The following OTC variants were observed in gnomAD, a reference collection of about 807,000 sequenced individuals.
The protein encoded by OTC is ornithine transcarbamylase, mitochondrial.
OTC carries 3 observed loss-of-function variants against 30.3 expected under a neutral mutation model. The ratio of observed to expected loss-of-function variants is 0.10; its 90% CI spans 0.05 to 0.26. The LOEUF is 0.26. OTC is among the 10% of genes least tolerant of loss of function. The pLI is 1.00. For missense variants in OTC, 194 were observed against 260.3 expected (o/e 0.75, Z 1.75); for synonymous variants, 111 against 99.7 (o/e 1.11, Z -0.67).
intron 9 of OTC, 111 bp downstream of exon 9, chrX:38,412,110 C>A: frequency 1.3e-6 from 1 of 741,060 alleles, no homozygotes; most frequent in Non-Finnish European, 2.0e-6. Flanking sequence ...ACATTACTTG[C>A]TCATGTAACA....
rs113463654 is a variant in OTC at position 38,401,538 on chromosome X, C to T, written c.540+110C>T. On this transcript the variant is annotated intron_variant, in intron 5 of 9. Transcript: ENST00000039007. ...GTATTGGTGTTTTATTTTCAAATAC[C>T]AGCTTGACAAAGAATTACAGCTTGT... The T allele has an allele frequency of 2.3e-5, 14 of 618,834 alleles. 1 individual carries two copies. The highest frequency in any genetic ancestry group is 1.8e-4 in the African/African-American group (8 of 45,379). 51.0% of individuals were successfully genotyped at this position (618,834 alleles called of 1,213,427 possible).
At chrX:38,344,218 C>T in the OTC span, among the ~76,000 whole-genome samples, 1 of 92,525 alleles carries the variant, frequency 1.1e-5, no homozygotes, top group Non-Finnish European at 2.1e-5. Context: ...AAATCAGGAG[C>T]TCTTTTGGTG....
chrX:38,383,600 C>A (rs1003810656), intron 4 of OTC, among the ~76,000 whole-genome samples: 2 of 110,707 alleles, frequency 1.8e-5, no homozygotes, highest in African/African-American at 6.6e-5. Context: ...GAGTTTGAGA[C>A]CAGCCTGACC....
the OTC span, among the ~76,000 whole-genome samples, chrX:38,332,254 A>G: frequency 1.2e-4 from 13 of 109,397 alleles, no homozygotes; most frequent in Non-Finnish European, 1.7e-4. Context: ...ATATTTGTAT[A>G]TAACATAATG....
chrX:38,328,926 T>C, the OTC span, among the ~76,000 whole-genome samples: 1 of 112,026 alleles, frequency 8.9e-6, no homozygotes, highest in African/African-American at 3.2e-5. Flanking sequence ...TTCTGACTAT[T>C]GACTCCTAGA....
chrX:38,352,872 C>T (rs778537536), intron 1 of OTC, 99 bp downstream of exon 1: 26 of 612,674 alleles, frequency 4.2e-5, no homozygotes, highest in African/African-American at 8.8e-5. Flanking sequence ...TGTAGTGCCA[C>T]GCTCTGCTTT....
chrX:38,420,960 A>C (rs933036409), intron 9 of OTC, 63 bp from the exon 10 acceptor site: 13 of 825,494 alleles, frequency 1.6e-5, no homozygotes, highest in Non-Finnish European at 2.4e-5. Flanking sequence ...CACCTTCTCT[A>C]GGTCCCTAAG....
intron 5 of OTC, 108 bp from the exon 6 acceptor site, chrX:38,403,509 TA>T: frequency 1.2e-6 from 1 of 866,981 alleles, no homozygotes; most frequent in Non-Finnish European, 1.7e-6. Flanking sequence ...TCATTCCTTC[TA>T]ACAAGGCACT....
rs1450390954 is a variant in OTC at position 38,421,053 on chromosome X, T to C, written c.1036T>C (p.Ser346Pro). 8.3e-7 allele frequency: 1 copy of C among 1,202,445 alleles called. No homozygotes were observed. The highest frequency in any genetic ancestry group is 1.8e-5 in the South Asian group (1 of 56,788). Residue 346 changes from serine (S) to proline (P), a missense_variant, in exon 10 of 10, where the codon TCA (serine) becomes CCA (proline). By Grantham distance (74) the Ser-to-Pro change is moderately conservative. Coordinates refer to ENST00000039007, the MANE Select transcript of OTC (RefSeq NM_000531.6). ...AVMVSLLTDY[S>P]PQLQKPKF Reference sequence around the variant, plus strand: ...CATGGTGTCCCTGCTGACAGATTACTCACCTCAGCTCCAGAAGCCTAAATT... The same window carrying C: ...CATGGTGTCCCTGCTGACAGATTACCCACCTCAGCTCCAGAAGCCTAAATT...
chrX:38,354,660 C>T (rs1412134166), intron 1 of OTC, among the ~76,000 whole-genome samples: 1 of 110,988 alleles, frequency 9.0e-6, no homozygotes, highest in Non-Finnish European at 1.9e-5. Context: ...ATGGCTAAAT[C>T]GGCCCAAATC....
upstream of OTC, among the ~76,000 whole-genome samples, chrX:38,351,837 T>C (rs746062308): frequency 1.8e-5 from 2 of 111,721 alleles, no homozygotes; most frequent in Non-Finnish European, 1.9e-5. Flanking sequence ...CTGGGCTCAC[T>C]GCAACCTCTG....
chrX:38,334,822 G>A, the OTC span, among the ~76,000 whole-genome samples: 1 of 111,673 alleles, frequency 9.0e-6, no homozygotes, highest in Non-Finnish European at 1.9e-5. Context: ...TGGTCTCTTA[G>A]AAACCGGGCC....
chrX:38,399,916 G>A (rs903321053), intron 4 of OTC, among the ~76,000 whole-genome samples: 8 of 111,412 alleles, frequency 7.2e-5, no homozygotes, highest in Non-Finnish European at 1.5e-4. Flanking sequence ...GTTCAAAGCA[G>A]TGGTTTACAA....
At chrX:38,401,465 C>A (rs1031562307) in intron 5 of OTC, 37 bp downstream of exon 5, 18 of 1,082,780 alleles carry the variant, frequency 1.7e-5, no homozygotes, top group Non-Finnish European at 2.1e-5. Flanking sequence ...AGAGCAAAAT[C>A]AAATAATTCC....
chrX:38,336,905 G>A, the OTC span, among the ~76,000 whole-genome samples: 187 of 112,020 alleles, frequency 1.7e-3, no homozygotes, highest in African/African-American at 6.0e-3. Flanking sequence ...CACTAACAGT[G>A]ACCTCCTAAA....
chrX:38,412,741 G>A (rs1007938938), intron 9 of OTC, among the ~76,000 whole-genome samples: 4 of 111,963 alleles, frequency 3.6e-5, no homozygotes, highest in African/African-American at 1.3e-4. Context: ...TTGCAAACGG[G>A]AGTCCACTCT....
rs957415 is a variant in OTC, at chrX:38,403,790, A to G, written c.663+50A>G. 4,890 of 1,164,513 alleles carry G rather than the reference A, an allele frequency of 4.2e-3. 9 individuals are homozygous for G. Among genetic ancestry groups the G allele is most frequent in the Middle Eastern group, 6.9e-3 (29 of 4,231 alleles). On this transcript the variant is annotated intron_variant, in intron 6 of 9. Transcript: ENST00000039007. ...CTAACCCCTCTCTTAAATCATCCTC[A>G]GATGCAATTACCCAGTGACAAAAAA...
chrX:38,344,030 C>T, the OTC span, among the ~76,000 whole-genome samples: 1 of 111,281 alleles, frequency 9.0e-6, no homozygotes, highest in South Asian at 3.8e-4. Context: ...TTACCATTAC[C>T]ATCTGTTAAT....
chrX:38,352,432 TGAG>T (rs1253226928), upstream of OTC: 1 of 342,075 alleles, frequency 2.9e-6, no homozygotes, highest in African/African-American at 2.6e-5. Context: ...TTATGAAAAA[TGAG>T]GAGGCCAGGC....
Sources: allele counts gnomAD v4.1 joint callset (sites outside exome capture counted in the v4.1 genomes callset), GRCh38; gene constraint gnomAD v4.1.1; transcripts MANE v1.5; gene names NCBI Gene and HGNC (gene_info 2026-07-23, HGNC 2026-07-21).